Variants in BICD1 observed in about 807,000 individuals in gnomAD.
BICD1 encodes BICD cargo adaptor 1.
BICD1 carries 35 observed loss-of-function variants against 92.5 expected under a neutral mutation model. The ratio of observed to expected loss-of-function variants is 0.38; its 90% CI spans 0.29 to 0.50. The LOEUF (loss-of-function observed/expected upper bound fraction) is 0.50. BICD1 is among the 20% of genes least tolerant of loss of function. The pLI is 0.93. For synonymous variants in BICD1, 429 were observed against 465.1 expected (o/e 0.92, Z 1.00); for missense variants, 950 against 1,189.8 (o/e 0.80, Z 2.97).
chr12:32,280,954 C>T (rs900572056), intron 2 of BICD1, among the ~76,000 whole-genome samples: 1 of 152,190 alleles, frequency 6.6e-6, no homozygotes, highest in Non-Finnish European at 1.5e-5. Context: ...ATGGTGCATA[C>T]CATATCTTGC....
At chr12:32,263,124 G>A (rs1946899622) in intron 2 of BICD1, among the ~76,000 whole-genome samples, 1 of 148,592 alleles carries the variant, frequency 6.7e-6, no homozygotes, top group South Asian at 2.2e-4. Context: ...AACAGAGTGA[G>A]AGCCGGTCTC....
chr12:32,347,700 C>T lies in BICD1; in HGVS notation c.2764+8721C>T, dbSNP rs148964582. Reference sequence around the variant, plus strand: ...CTTTTCATACATCTCTTATTTGTTACTAGATCTCCTTGTCAATATAAAAAC... The same window carrying T: ...CTTTTCATACATCTCTTATTTGTTATTAGATCTCCTTGTCAATATAAAAAC... On this transcript the variant is annotated intron_variant, in intron 8 of 9. Transcript: ENST00000652176. Among the ~76,000 whole-genome samples the T allele has an allele frequency of 1.2e-4, 18 of 151,338 alleles. No individual in the cohort carries two copies. In the East Asian group the frequency reaches 3.5e-3, roughly 29 times the overall value.
At chr12:32,338,084 A>T (rs1938210619) in intron 7 of BICD1, 1 of 377,454 alleles carries the variant, frequency 2.6e-6, no homozygotes, top group Admixed American at 3.8e-5. Flanking sequence ...TATTTTTGCT[A>T]CTCTTTGTAT....
chr12:32,331,920 C>T (rs1416734078), intron 5 of BICD1, among the ~76,000 whole-genome samples: 1 of 152,090 alleles, frequency 6.6e-6, no homozygotes, highest in East Asian at 1.9e-4. Flanking sequence ...ATGACATTCA[C>T]TATATTTATT....
At chr12:32,376,847 A>T (rs1286621148) in intron 9 of BICD1, among the ~76,000 whole-genome samples, 3 of 131,438 alleles carry the variant, frequency 2.3e-5, no homozygotes, top group Non-Finnish European at 1.6e-5. Context: ...CAGCCTGGGC[A>T]AAACAACGAG....
At chr12:32,346,588 A>G (rs1054844813) in intron 8 of BICD1, among the ~76,000 whole-genome samples, 221 of 3,772 alleles carry the variant, frequency 0.059, 4 homozygotes, top group Middle Eastern at 0.083. Flanking sequence ...ATATACGTGT[A>G]TATATATATA....
chr12:32,206,969 T>C (rs1318610279), intron 1 of BICD1, among the ~76,000 whole-genome samples: 2 of 152,214 alleles, frequency 1.3e-5, no homozygotes, highest in Non-Finnish European at 1.5e-5. Flanking sequence ...AGTATTTTAC[T>C]ACAATATTAA....
intron 1 of BICD1, among the ~76,000 whole-genome samples, chr12:32,153,473 C>T (rs1943347766): frequency 6.6e-6 from 1 of 152,056 alleles, no homozygotes; most frequent in Non-Finnish European, 1.5e-5. Context: ...ACAAGGCCCA[C>T]CTGGCAGAAG....
intron 1 of BICD1, among the ~76,000 whole-genome samples, chr12:32,186,317 ATATAAG>A (rs1195597838): frequency 3.9e-5 from 6 of 152,352 alleles, no homozygotes; most frequent in East Asian, 1.9e-4. Context: ...TACTATAAAA[ATATAAG>A]TATATGAGTG....
chr12:32,245,868 A>G (rs559866215), intron 2 of BICD1, among the ~76,000 whole-genome samples: 23 of 151,618 alleles, frequency 1.5e-4, no homozygotes, highest in Non-Finnish European at 2.7e-4. Flanking sequence ...CTTCTCTACT[A>G]AAAATACAAA....
intron 5 of BICD1, chr12:32,332,663 A>G (rs193198670): frequency 3.5e-5 from 10 of 281,872 alleles, no homozygotes; most frequent in African/African-American, 2.3e-4. Flanking sequence ...AGAGGAAGCA[A>G]CTAAGGTTTC....
intron 1 of BICD1, among the ~76,000 whole-genome samples, chr12:32,127,218 T>A (rs1942378182): frequency 6.6e-6 from 1 of 152,220 alleles, no homozygotes; most frequent in African/African-American, 2.4e-5. Flanking sequence ...TCTTAAGAAA[T>A]CCTTTCCATG....
intron 1 of BICD1, among the ~76,000 whole-genome samples, chr12:32,118,087 A>ATTTTATTTTATTTTATTTTATTTTT (rs372015819): frequency 7.8e-6 from 1 of 128,436 alleles, no homozygotes; most frequent in African/African-American, 2.9e-5. Flanking sequence ...ATTTTATTTT[A>ATTTTATTTTATTTTATTTTATTTTT]TTTATTTTTT....
rs952432795 is a variant in BICD1 at position 32,106,859 on chromosome 12, C to G, written c.-473C>G. On this transcript the variant is annotated 5_prime_UTR_variant, in exon 1 of 10. Coordinates refer to ENST00000652176, the MANE Select transcript of BICD1 (RefSeq NM_001714.4). ...GCCCCGAGACTGCATCATTCCGCAC[C>G]GGCTGCTGCAGGGCCAGAGGGAGCA... The G allele has an allele frequency of 9.5e-5, 15 of 158,046 alleles. No individual in the cohort carries two copies. The highest frequency in any genetic ancestry group is 3.6e-4 in the African/African-American group (15 of 41,282). 9.8% of individuals were successfully genotyped at this position (158,046 alleles called of 1,614,324 possible).
chr12:32,290,850 T>C (rs1416858126), intron 2 of BICD1, among the ~76,000 whole-genome samples: 1 of 152,176 alleles, frequency 6.6e-6, no homozygotes, highest in East Asian at 1.9e-4. Context: ...GTTGAGCCCC[T>C]TCTTTTCCCC....
chr12:32,107,158 G>T lies in BICD1; in HGVS notation c.-174G>T, dbSNP rs779302070. The T allele has an allele frequency of 3.1e-6, 2 of 639,840 alleles. No homozygotes were observed. The highest frequency in any genetic ancestry group is 5.4e-6 in the Non-Finnish European group (2 of 370,188). 39.6% of individuals were successfully genotyped at this position (639,840 alleles called of 1,614,324 possible). ...TGCATTTCTCGTCAGTTTCTCGGGC[G>T]GTGTAGCTGCCGCTGCCACCAGAGC... On this transcript the variant is annotated 5_prime_UTR_variant, in exon 1 of 10. Transcript: ENST00000652176.
intron 1 of BICD1, among the ~76,000 whole-genome samples, chr12:32,215,151 C>T (rs1945315446): frequency 1.3e-5 from 2 of 152,150 alleles, no homozygotes; most frequent in African/African-American, 2.4e-5. Flanking sequence ...ATTGCTTGAA[C>T]CCAGGAGGCA....
At position 32,273,741 on chromosome 12, in the gene BICD1, G is replaced by A. The variant is rs115279331; in HGVS notation, c.427-20253G>A. ...CTTTCTCCTTAGTTCAGCTAAAACC[G>A]GGTTCTTGTCACACAACCGGAAAAG... On this transcript the variant is annotated intron_variant, in intron 2 of 9. Coordinates refer to ENST00000652176, the MANE Select transcript of BICD1 (RefSeq NM_001714.4). Among the ~76,000 whole-genome samples, 1,233 of 152,236 alleles carry A rather than the reference G, an allele frequency of 8.1e-3. 18 individuals are homozygous for A. Among genetic ancestry groups the A allele is most frequent in the African/African-American group, 0.028 (1,164 of 41,526 alleles).
intron 2 of BICD1, among the ~76,000 whole-genome samples, chr12:32,257,879 ATG>A (rs1156569013): frequency 6.6e-5 from 10 of 152,194 alleles, no homozygotes; most frequent in African/African-American, 2.4e-4. Context: ...TGATACATGT[ATG>A]TGTGTATACA....
Sources: allele counts gnomAD v4.1 joint callset (sites outside exome capture counted in the v4.1 genomes callset), GRCh38; gene constraint gnomAD v4.1.1; transcripts MANE v1.5; gene names NCBI Gene and HGNC (gene_info 2026-07-23, HGNC 2026-07-21).